Variants in ERAP1 observed in about 807,000 individuals in gnomAD.
ERAP1 encodes endoplasmic reticulum aminopeptidase 1, also known as adipocyte-derived leucine aminopeptidase.
In ERAP1, 86 loss-of-function variants were observed where a neutral mutation model predicts 103.7. That is an observed-to-expected ratio of 0.83 (90% CI 0.70 to 0.99). ERAP1 has a LOEUF of 0.99. ERAP1 is among the 50% of genes least tolerant of loss of function. ERAP1 has a pLI of 0.00. For missense variants in ERAP1, 1,009 were observed against 1,128.4 expected (o/e 0.89, Z 1.52); for synonymous variants, 398 against 402.4 (o/e 0.99, Z 0.13).
chr5:96,874,813 A>T, the ERAP1 span, among the ~76,000 whole-genome samples: 2 of 152,264 alleles, frequency 1.3e-5, no homozygotes, highest in African/African-American at 4.8e-5. Context: ...TTGCAAACAC[A>T]AACCACAGCA....
chr5:96,775,631 A>G lies in ERAP1; in HGVS notation c.*765T>C, dbSNP rs1314693158. The stretch of plus-strand genomic sequence containing the variant: ...ACCACAAGTCCGCCAGGACTAGTAA[A>G]AGCCAGACTCCCACTGAGGCCACTA... On this transcript the variant is annotated 3_prime_UTR_variant, in exon 19 of 19. Coordinates refer to ENST00000443439, the MANE Select transcript of ERAP1 (RefSeq NM_001040458.3). The G allele has an allele frequency of 4.7e-6, 2 of 425,338 alleles. No individual in the cohort carries two copies. The highest frequency in any genetic ancestry group is 6.3e-6 in the Non-Finnish European group (2 of 318,346). The allele number at this position is 425,338 out of a possible 1,614,324, so 26.3% of individuals were successfully genotyped here.
At chr5:96,842,598 TGTC>T in the ERAP1 span, among the ~76,000 whole-genome samples, 2 of 152,222 alleles carry the variant, frequency 1.3e-5, no homozygotes, top group Admixed American at 6.5e-5. Flanking sequence ...TTTTGAGAAT[TGTC>T]TATTCATGTT....
chr5:96,868,468 C>T, the ERAP1 span, among the ~76,000 whole-genome samples: 1 of 152,160 alleles, frequency 6.6e-6, no homozygotes. Flanking sequence ...TCACAACAGC[C>T]CTATGAAGTT....
Position 96,785,925 on chromosome 5 carries a change from C to A in ERAP1, c.1806G>T (p.Val602=). 6 of 1,614,156 alleles carry A rather than the reference C, an allele frequency of 3.7e-6. No homozygotes were observed. Among genetic ancestry groups the A allele is most frequent in the Non-Finnish European group, 4.2e-6 (5 of 1,180,010 alleles). The change falls in exon 13 of 19, where the codon GTG becomes GTT. Residue 602 remains valine, a synonymous_variant. Transcript: ENST00000443439. ...GCACAATGTAATAGCCATTCATGCC[C>A]ACATTAAATTTGATCCATTCCACCT... ...PEEVEWIKFN[V]GMNGYYIVHY...
chr5:96,880,600 C>A, the ERAP1 span, among the ~76,000 whole-genome samples: 1 of 152,056 alleles, frequency 6.6e-6, no homozygotes, highest in Non-Finnish European at 1.5e-5. Context: ...TCATCTGGGA[C>A]CAGAAGGAAA....
At chr5:96,901,679 G>A in the ERAP1 span, 3 of 1,613,318 alleles carry the variant, frequency 1.9e-6, no homozygotes, top group Non-Finnish European at 2.5e-6. Context: ...CCCTGCAGGA[G>A]AGGTGGCTGC....
chr5:96,842,617 C>T, the ERAP1 span, among the ~76,000 whole-genome samples: 1 of 152,084 alleles, frequency 6.6e-6, no homozygotes, highest in Non-Finnish European at 1.5e-5. Flanking sequence ...ATGTTCTTTG[C>T]CCACTTTTTG....
At chr5:96,797,390 A>G (rs918083389) in intron 3 of ERAP1, 81 bp from the exon 4 acceptor site, 2 of 1,486,282 alleles carry the variant, frequency 1.3e-6, no homozygotes, top group East Asian at 2.3e-5. Context: ...ATTATCAGAC[A>G]TAATATTAAA....
chr5:96,916,779 T>C, the ERAP1 span, among the ~76,000 whole-genome samples: 1 of 150,254 alleles, frequency 6.7e-6, no homozygotes, highest in Admixed American at 6.7e-5. Context: ...TTTTTTTTTT[T>C]AAAGCATTAT....
the ERAP1 span, chr5:96,880,171 C>T: frequency 1.2e-6 from 2 of 1,613,936 alleles, no homozygotes; most frequent in Admixed American, 1.7e-5. Flanking sequence ...ACCTGAAATA[C>T]TATGTGGCTA....
chr5:96,771,817 T>C, downstream of ERAP1: 2 of 627,356 alleles, frequency 3.2e-6, no homozygotes, highest in East Asian at 2.8e-5. Flanking sequence ...CTTTACAGTA[T>C]TGGCATGAAA....
chr5:96,814,961 C>A, the ERAP1 span, among the ~76,000 whole-genome samples: 2 of 152,082 alleles, frequency 1.3e-5, no homozygotes, highest in Non-Finnish European at 2.9e-5. Context: ...AGGCCTAACA[C>A]CAAATATTCT....
chr5:96,780,666 TA>T (rs1318599574), intron 17 of ERAP1, among the ~76,000 whole-genome samples, 162 bp from the exon 18 acceptor site: 1 of 152,242 alleles, frequency 6.6e-6, no homozygotes, highest in Non-Finnish European at 1.5e-5. Flanking sequence ...CTGTAAAGAA[TA>T]ATACACACCA....
intron 1 of ERAP1, chr5:96,804,937 CTG>C (rs1366987768): frequency 1.6e-5 from 2 of 126,542 alleles, no homozygotes; most frequent in Admixed American, 8.1e-5. Context: ...GAGCAAGACT[CTG>C]TCTTTAAAAA....
downstream of ERAP1, chr5:96,773,248 T>C (rs908425256): frequency 6.5e-5 from 10 of 153,556 alleles, no homozygotes; most frequent in Non-Finnish European, 1.0e-4. Context: ...CCCTTTTCAG[T>C]TTGAACTCTT....
At chr5:96,770,650 G>A (rs374215782), downstream of ERAP1, 2 of 1,238,430 alleles carry the variant, frequency 1.6e-6, no homozygotes, top group African/African-American at 3.0e-5. Flanking sequence ...CAGTTACACA[G>A]AGTAGGGTTT....
At chr5:96,914,933 T>G in the ERAP1 span, among the ~76,000 whole-genome samples, 11 of 112,018 alleles carry the variant, frequency 9.8e-5, no homozygotes, top group Admixed American at 1.1e-3. Flanking sequence ...GTATAAAAAG[T>G]TAAATAAATA....
At chr5:96,818,935 T>C in the ERAP1 span, among the ~76,000 whole-genome samples, 17 of 151,524 alleles carry the variant, frequency 1.1e-4, no homozygotes, top group East Asian at 3.3e-3. Flanking sequence ...TATTTATTTA[T>C]TTATTTTTGA....
At chr5:96,810,513 CA>C (rs1779090233), upstream of ERAP1, among the ~76,000 whole-genome samples, 5 of 152,272 alleles carry the variant, frequency 3.3e-5, no homozygotes, top group South Asian at 1.0e-3. Flanking sequence ...TGCTCAGAGT[CA>C]AAGAGAAAAC....
Sources: gnomAD v4.1 joint callset for allele counts (sites outside exome capture counted in the v4.1 genomes callset) on GRCh38, gnomAD v4.1.1 for gene constraint, MANE v1.5 for transcripts, NCBI Gene and HGNC (gene_info 2026-07-23, HGNC 2026-07-21) for gene names.